SPPL2A: variants seen among roughly 807,000 people sequenced by gnomAD.
SPPL2A encodes the protein signal peptide peptidase-like 2A.
SPPL2A carries 51 observed loss-of-function variants against 63.8 expected under a neutral mutation model. The observed-to-expected ratio is 0.80, with a 90% CI of 0.64 to 1.01. The LOEUF is 1.01. SPPL2A is among the 50% of genes least tolerant of loss of function. The probability of loss-of-function intolerance (pLI) is 0.00; values close to 1 mark genes in which losing one functional copy is unlikely to be tolerated. For synonymous variants in SPPL2A, 188 were observed against 205.8 expected (o/e 0.91, Z 0.74); for missense variants, 553 against 622.7 (o/e 0.89, Z 1.19).
chr15:50,718,121 C>A (rs1006292870), intron 14 of SPPL2A, among the ~76,000 whole-genome samples: 9 of 151,838 alleles, frequency 5.9e-5, no homozygotes, highest in African/African-American at 2.2e-4. Flanking sequence ...ACAAGGCACC[C>A]ACCACCACAC....
intron 10 of SPPL2A, among the ~76,000 whole-genome samples, chr15:50,729,854 G>A (rs745640169): frequency 2.3e-4 from 35 of 152,072 alleles, no homozygotes; most frequent in Admixed American, 5.2e-4. Context: ...GAAGAAATGA[G>A]GCCAAGCACT....
At chr15:50,727,569 C>T (rs1296227670) in intron 10 of SPPL2A, among the ~76,000 whole-genome samples, 5 of 152,074 alleles carry the variant, frequency 3.3e-5, no homozygotes, top group African/African-American at 4.8e-5. Context: ...TAAAGATACC[C>T]GAGTAACTAC....
intron 1 of SPPL2A, among the ~76,000 whole-genome samples, chr15:50,764,972 A>T (rs1345809403): frequency 1.3e-5 from 2 of 151,880 alleles, no homozygotes; most frequent in East Asian, 3.9e-4. Context: ...CAGGAGCTAC[A>T]GTGGGGGAAG....
At chr15:50,732,978 A>G (rs1331385583) in intron 8 of SPPL2A, among the ~76,000 whole-genome samples, 3 of 152,100 alleles carry the variant, frequency 2.0e-5, no homozygotes, top group Non-Finnish European at 4.4e-5. Flanking sequence ...TTCAATTATT[A>G]AACAGCAAGC....
intron 9 of SPPL2A, among the ~76,000 whole-genome samples, chr15:50,732,107 A>C (rs986154971): frequency 6.6e-6 from 1 of 152,002 alleles, no homozygotes; most frequent in Non-Finnish European, 1.5e-5. Flanking sequence ...CAAACAAACA[A>C]AATTTAGCTA....
intron 14 of SPPL2A, among the ~76,000 whole-genome samples, chr15:50,712,679 C>CCTTTTT (rs35199045): frequency 1.9e-5 from 2 of 102,938 alleles, no homozygotes; most frequent in Admixed American, 1.0e-4. Flanking sequence ...CTCCCCCCCC[C>CCTTTTT]TTTTTTTTTT....
chr15:50,759,571 G>A (rs139152463), intron 1 of SPPL2A, among the ~76,000 whole-genome samples: 157 of 152,118 alleles, frequency 1.0e-3, no homozygotes, highest in African/African-American at 3.5e-3. Flanking sequence ...GTGAAACCCC[G>A]TCTCTACTAA....
rs1426212484 is a variant in SPPL2A at position 50,705,809 on chromosome 15, T to G, written c.*1991A>C. ...TCTGATCAATTTTAAAAGGCATTAG[T>G]TTTATTTTTAATAAATTGAACTGGC... On this transcript the variant is annotated 3_prime_UTR_variant, in exon 15 of 15. Transcript: ENST00000261854. The G allele has an allele frequency of 6.6e-6, 1 of 152,224 alleles. No individual in the cohort carries two copies. The highest frequency in any genetic ancestry group is 1.5e-5 in the Non-Finnish European group (1 of 68,036). 9.4% of individuals were successfully genotyped at this position (152,224 alleles called of 1,614,324 possible). A position where few individuals can be genotyped will look rare whatever the true frequency, so the allele number is the denominator to read the frequency against.
intron 14 of SPPL2A, among the ~76,000 whole-genome samples, chr15:50,715,879 T>C (rs1253678861): frequency 6.6e-6 from 1 of 152,116 alleles, no homozygotes; most frequent in Non-Finnish European, 1.5e-5. Context: ...TTTTTAATCA[T>C]TTTCTGAAAA....
intron 1 of SPPL2A, 32 bp downstream of exon 1, chr15:50,765,436 T>G: frequency 6.7e-7 from 1 of 1,483,444 alleles, no homozygotes; most frequent in Non-Finnish European, 8.9e-7. Context: ...GCCCAGCCCC[T>G]GGGAGGCCTG....
intron 8 of SPPL2A, among the ~76,000 whole-genome samples, chr15:50,734,627 T>A (rs1052332770): frequency 6.6e-6 from 1 of 152,136 alleles, no homozygotes; most frequent in African/African-American, 2.4e-5. Flanking sequence ...AATAAGGTGA[T>A]ACAGTTAATA....
chr15:50,764,419 T>A (rs1054869078), intron 1 of SPPL2A: 1 of 152,244 alleles, frequency 6.6e-6, no homozygotes, highest in South Asian at 2.1e-4. Flanking sequence ...GTCAAAGTTA[T>A]GAATACACCA....
intron 1 of SPPL2A, among the ~76,000 whole-genome samples, chr15:50,760,055 C>T (rs2062996035): frequency 6.6e-6 from 1 of 152,088 alleles, no homozygotes; most frequent in African/African-American, 2.4e-5. Flanking sequence ...ATGTAATAAA[C>T]CTAGCATGTT....
At chr15:50,721,221 T>C (rs941820062) in intron 13 of SPPL2A, among the ~76,000 whole-genome samples, 1 of 151,162 alleles carries the variant, frequency 6.6e-6, no homozygotes, top group African/African-American at 2.4e-5. Flanking sequence ...TTTAGTAGAG[T>C]TGAGATTTCA....
chr15:50,764,142 A>C (rs1266734325), intron 1 of SPPL2A, among the ~76,000 whole-genome samples: 1 of 152,226 alleles, frequency 6.6e-6, no homozygotes, highest in Non-Finnish European at 1.5e-5. Context: ...ATTAGTACGA[A>C]TGTGATATTC....
At chr15:50,738,389 C>T (rs1277947987) in intron 6 of SPPL2A, among the ~76,000 whole-genome samples, 1 of 151,630 alleles carries the variant, frequency 6.6e-6, no homozygotes, top group Non-Finnish European at 1.5e-5. Flanking sequence ...TCTGTACTAA[C>T]AATACAAAAA....
Position 50,720,092 on chromosome 15 carries a change from T to C in SPPL2A, c.1336A>G (p.Ile446Val), listed in dbSNP as rs771233315. 2.5e-6 allele frequency: 4 copies of C among 1,604,786 alleles called. No homozygotes were observed. The highest frequency in any genetic ancestry group is 1.7e-6 in the Non-Finnish European group (2 of 1,177,646). ...YYVSSTVAYA[I>V]GMILTFVVLV... The stretch of plus-strand genomic sequence containing the variant: ...ACAACAAATGTAAGTATCATGCCAA[T>C]AGCATAGGCTGCAAGAAGAATACCA... The change falls in exon 14 of 15, where the codon ATT becomes GTT. Residue 446 changes from isoleucine (I) to valine (V), a missense_variant. Physicochemically the swap from Ile to Val is conservative, Grantham distance 29. Coordinates refer to ENST00000261854, the MANE Select transcript of SPPL2A (RefSeq NM_032802.4).
At chr15:50,745,441 C>A (rs1328504620) in intron 5 of SPPL2A, among the ~76,000 whole-genome samples, 2 of 152,108 alleles carry the variant, frequency 1.3e-5, no homozygotes, top group African/African-American at 4.8e-5. Context: ...TGAGCCACCA[C>A]ATCCGGCTGA....
chr15:50,757,089 C>CTTTTTTTTTTTT (rs57100103), intron 1 of SPPL2A, among the ~76,000 whole-genome samples: 9 of 128,382 alleles, frequency 7.0e-5, no homozygotes, highest in East Asian at 2.6e-4. Context: ...TAAATCCTTT[C>CTTTTTTTTTTTT]TTTTTTTTTT....
Sources: gnomAD v4.1 joint callset for allele counts (sites outside exome capture counted in the v4.1 genomes callset) on GRCh38, gnomAD v4.1.1 for gene constraint, MANE v1.5 for transcripts, NCBI Gene and HGNC (gene_info 2026-07-23, HGNC 2026-07-21) for gene names.